Variants in DCC observed in about 807,000 individuals in gnomAD.
DCC encodes netrin receptor DCC.
In DCC, 58 loss-of-function variants were observed where a neutral mutation model predicts 172.5. That is an observed-to-expected ratio of 0.34 (90% CI 0.27 to 0.42). The LOEUF (loss-of-function observed/expected upper bound fraction) is 0.42. DCC is among the 10% of genes least tolerant of loss of function. DCC has a pLI of 1.00. For missense variants in DCC, 1,740 were observed against 1,791.0 expected, an observed-to-expected ratio of 0.97 and a Z score of 0.51; for synonymous variants, 709 against 644.5, an observed-to-expected ratio of 1.10 and a Z score of -1.52.
intron 1 of DCC, among the ~76,000 whole-genome samples, chr18:52,594,292 T>A (rs2033863115): frequency 6.6e-6 from 1 of 152,232 alleles, no homozygotes; most frequent in Admixed American, 6.5e-5. Flanking sequence ...ATTAGTATTA[T>A]TCAGATCATC....
intron 1 of DCC, among the ~76,000 whole-genome samples, chr18:52,647,487 A>G (rs1354589069): frequency 6.6e-6 from 1 of 152,178 alleles, no homozygotes; most frequent in African/African-American, 2.4e-5. Context: ...AGGCAGGCTC[A>G]ATGGAGGAGA....
chr18:53,097,632 C>A (rs916324881), intron 7 of DCC, among the ~76,000 whole-genome samples: 1 of 152,024 alleles, frequency 6.6e-6, no homozygotes, highest in South Asian at 2.1e-4. Flanking sequence ...GGGCTTCCAT[C>A]GAAAATAGCA....
At chr18:53,287,530 A>T (rs1180812519) in intron 12 of DCC, among the ~76,000 whole-genome samples, 2 of 152,128 alleles carry the variant, frequency 1.3e-5, no homozygotes, top group African/African-American at 4.8e-5. Flanking sequence ...GGTCATACTT[A>T]ATTCTATTTT....
chr18:52,650,113 G>A (rs2035103034), intron 1 of DCC, among the ~76,000 whole-genome samples: 1 of 151,188 alleles, frequency 6.6e-6, no homozygotes, highest in African/African-American at 2.4e-5. Flanking sequence ...GAAGTAGCTA[G>A]AATTACAGGA....
intron 1 of DCC, among the ~76,000 whole-genome samples, chr18:52,446,786 C>A (rs2144507236): frequency 6.6e-6 from 1 of 152,320 alleles, no homozygotes; most frequent in East Asian, 1.9e-4. Flanking sequence ...ATGGAACCAA[C>A]TCACCAGACC....
intron 17 of DCC, among the ~76,000 whole-genome samples, chr18:53,393,805 G>A (rs927078617): frequency 6.6e-6 from 1 of 152,076 alleles, no homozygotes; most frequent in Non-Finnish European, 1.5e-5. Flanking sequence ...CACAAAGAGT[G>A]CCTGTGAGGT....
At chr18:52,725,490 A>G (rs188008918) in intron 1 of DCC, among the ~76,000 whole-genome samples, 4 of 152,358 alleles carry the variant, frequency 2.6e-5, no homozygotes, top group East Asian at 3.9e-4. Flanking sequence ...CTATTGCTAC[A>G]GCCTGTGCCA....
chr18:53,244,826 C>A (rs545207927), intron 12 of DCC, among the ~76,000 whole-genome samples: 2 of 152,160 alleles, frequency 1.3e-5, no homozygotes, highest in South Asian at 2.1e-4. Flanking sequence ...TTTATCTTTA[C>A]CCCAGAATCA....
At chr18:53,505,036 C>G (rs184219874) in intron 27 of DCC, among the ~76,000 whole-genome samples, 1 of 152,036 alleles carries the variant, frequency 6.6e-6, no homozygotes, top group Non-Finnish European at 1.5e-5. Flanking sequence ...TAAAAGGGGT[C>G]TTCTAGGATC....
chr18:52,654,732 G>T (rs1279875500), intron 1 of DCC, among the ~76,000 whole-genome samples: 2 of 152,156 alleles, frequency 1.3e-5, no homozygotes, highest in East Asian at 1.9e-4. Flanking sequence ...GGATTTTGGT[G>T]GGGGGATATA....
At chr18:52,594,429 T>C (rs2033866097) in intron 1 of DCC, among the ~76,000 whole-genome samples, 1 of 152,180 alleles carries the variant, frequency 6.6e-6, no homozygotes, top group African/African-American at 2.4e-5. Context: ...GGGTGTATAT[T>C]AGTGACCTGC....
chr18:52,362,283 A>G (rs1044141205), intron 1 of DCC, among the ~76,000 whole-genome samples: 4 of 152,260 alleles, frequency 2.6e-5, no homozygotes, highest in African/African-American at 9.6e-5. Context: ...TGCTTTCCAC[A>G]GATCCAGATT....
intron 1 of DCC, among the ~76,000 whole-genome samples, chr18:52,477,126 C>T (rs766888113): frequency 1.3e-4 from 20 of 152,114 alleles, no homozygotes; most frequent in East Asian, 7.7e-4. Flanking sequence ...TGTGGGTCAA[C>T]GTTTTCCACT....
At chr18:53,066,395 ATATG>A (rs1199081261) in intron 7 of DCC, among the ~76,000 whole-genome samples, 1,762 of 104,996 alleles carry the variant, frequency 0.017, 21 homozygotes, top group Non-Finnish European at 0.025. Flanking sequence ...ATATATATAT[ATATG>A]TGCATGTGTG....
At chr18:52,428,178 A>G (rs528237420) in intron 1 of DCC, among the ~76,000 whole-genome samples, 90 of 152,086 alleles carry the variant, frequency 5.9e-4, no homozygotes, top group Non-Finnish European at 8.5e-4. Flanking sequence ...GCCTCTCTAC[A>G]TGCATATTGA....
At chr18:52,974,104 AT>A (rs1224930154) in intron 5 of DCC, among the ~76,000 whole-genome samples, 1 of 152,210 alleles carries the variant, frequency 6.6e-6, no homozygotes, top group African/African-American at 2.4e-5. Context: ...TATATTATAC[AT>A]GTATATAATA....
chr18:53,436,144 T>A (rs745505346), intron 22 of DCC, among the ~76,000 whole-genome samples: 1 of 152,224 alleles, frequency 6.6e-6, no homozygotes, highest in African/African-American at 2.4e-5. Context: ...TCTAATTTGA[T>A]GTTTACTACG....
chr18:52,899,832 C>T (rs1041670782), intron 2 of DCC, among the ~76,000 whole-genome samples: 6 of 152,068 alleles, frequency 3.9e-5, no homozygotes, highest in African/African-American at 1.2e-4. Context: ...CTAGTTATTG[C>T]TTGTGTTTCC....
At chr18:53,299,330 A>G (rs2057105154) in intron 12 of DCC, among the ~76,000 whole-genome samples, 1 of 152,070 alleles carries the variant, frequency 6.6e-6, no homozygotes, top group Non-Finnish European at 1.5e-5. Flanking sequence ...AAATTTTGTA[A>G]TGTTTTTCCC....
Sources: allele counts gnomAD v4.1 joint callset (sites outside exome capture counted in the v4.1 genomes callset), GRCh38; gene constraint gnomAD v4.1.1; transcripts MANE v1.5; gene names NCBI Gene and HGNC (gene_info 2026-07-23, HGNC 2026-07-21).